The following HPS4 variants were observed in gnomAD, a reference collection of about 807,000 sequenced individuals.
HPS4 encodes BLOC-3 complex member HPS4.
Under a neutral mutation model 70.3 loss-of-function variants are expected in HPS4, and 44 were observed. The observed-to-expected ratio is 0.63, with a 90% CI of 0.49 to 0.80. HPS4 has a LOEUF of 0.80. Ranked by LOEUF, HPS4 falls within the 30% of genes least tolerant of loss-of-function variation. The pLI is 0.00. For missense variants in HPS4, 873 were observed against 884.4 expected (o/e 0.99, Z 0.16); for synonymous variants, 377 against 355.9 (o/e 1.06, Z -0.67).
Position 26,483,685 on chromosome 22 carries a change from G to C in HPS4, c.-490C>G, listed in dbSNP as rs553609699. On this transcript the variant is annotated 5_prime_UTR_variant, in exon 1 of 14. Coordinates refer to ENST00000398145, the MANE Select transcript of HPS4 (RefSeq NM_022081.6). ...CGCCGCCCACCCACCGGAGTAGCCA[G>C]GCATCCCAGTGCTCGGGGTTCGGGA... 6.4e-5 allele frequency: 25 copies of C among 389,866 alleles called. No individual in the cohort carries two copies. Among genetic ancestry groups the C allele is most frequent in the African/African-American group, 4.6e-4 (22 of 47,760 alleles). 24.2% of individuals were successfully genotyped at this position (389,866 alleles called of 1,614,324 possible).
chr22:26,464,865 C>A, intron 10 of HPS4, 39 bp from the exon 11 acceptor site: 1 of 1,549,554 alleles, frequency 6.5e-7, no homozygotes, highest in South Asian at 1.2e-5. Flanking sequence ...GGCACGTTGA[C>A]AGACTGCAGG....
chr22:26,469,386 T>A (rs1284085153), intron 7 of HPS4, among the ~76,000 whole-genome samples: 1 of 151,708 alleles, frequency 6.6e-6, no homozygotes, highest in Non-Finnish European at 1.5e-5. Flanking sequence ...AGGTCGAGGC[T>A]GTAGTAAGCT....
chr22:26,461,943 A>G (rs1249329900), intron 11 of HPS4, among the ~76,000 whole-genome samples: 3 of 152,142 alleles, frequency 2.0e-5, no homozygotes, highest in Non-Finnish European at 2.9e-5. Flanking sequence ...CCTGACCAAC[A>G]TGGAGAAACC....
chr22:26,462,971 G>A (rs1174673002), intron 11 of HPS4, among the ~76,000 whole-genome samples: 3 of 152,186 alleles, frequency 2.0e-5, no homozygotes, highest in African/African-American at 4.8e-5. Flanking sequence ...TGTATTTCAA[G>A]GTGACTAGCT....
At chr22:26,456,680 C>T (rs925219550) in intron 13 of HPS4, among the ~76,000 whole-genome samples, 1 of 142,602 alleles carries the variant, frequency 7.0e-6, no homozygotes, top group Non-Finnish European at 1.5e-5. Flanking sequence ...AAAAATAATG[C>T]CCTTGACCAG....
intron 10 of HPS4, among the ~76,000 whole-genome samples, chr22:26,465,059 A>G (rs1259746041): frequency 1.3e-5 from 2 of 152,256 alleles, no homozygotes; most frequent in Admixed American, 6.5e-5. Flanking sequence ...AGCCCACTGA[A>G]TAAGACTGAC....
At chr22:26,459,813 G>A (rs1268936512) in intron 11 of HPS4, among the ~76,000 whole-genome samples, 1 of 152,196 alleles carries the variant, frequency 6.6e-6, no homozygotes, top group African/African-American at 2.4e-5. Context: ...AAACTCTAAA[G>A]TGCTATCCTG....
intron 3 of HPS4, among the ~76,000 whole-genome samples, 168 bp from the exon 4 acceptor site, chr22:26,477,304 G>A (rs2090683295): frequency 6.6e-6 from 1 of 152,172 alleles, no homozygotes; most frequent in Non-Finnish European, 1.5e-5. Context: ...CAACAAAGAA[G>A]AACATGTGAT....
intron 1 of HPS4, 26 bp downstream of exon 1, chr22:26,483,648 C>G: frequency 5.6e-6 from 2 of 358,646 alleles, no homozygotes; most frequent in Admixed American, 4.9e-5. Flanking sequence ...CTCGGTATCC[C>G]CGCGCTCCGA....
rs1208471107 is a variant in HPS4, at chr22:26,464,086, C to A, written c.1544G>T (p.Cys515Phe). The part of the protein sequence containing the change: ...GLECSSGSAN[C>F]QGAGPSADGI... Reference sequence around the variant, plus strand: ...ATCTGCAGAGGGGCCAGCACCCTGACAGTTTGCTGAGCCTGAACTGCATTC... The same window carrying A: ...ATCTGCAGAGGGGCCAGCACCCTGAAAGTTTGCTGAGCCTGAACTGCATTC... The change falls in exon 11 of 14, where the codon TGT becomes TTT. Residue 515 changes from cysteine (C) to phenylalanine (F), a missense_variant. Coordinates refer to ENST00000398145, the MANE Select transcript of HPS4 (RefSeq NM_022081.6). 5.6e-6 allele frequency: 9 copies of A among 1,614,164 alleles called. No individual in the cohort carries two copies. In the East Asian group the frequency reaches 1.1e-4, roughly 20 times the overall value.
rs1183558283 is a variant in HPS4, at chr22:26,451,059, G to C, written c.*2174C>G. Among the ~76,000 whole-genome samples the C allele has an allele frequency of 1.3e-5, 2 of 152,228 alleles. No individual in the cohort carries two copies. The highest frequency in any genetic ancestry group is 1.3e-4 in the Admixed American group (2 of 15,290). On this transcript the variant is annotated 3_prime_UTR_variant, in exon 14 of 14. Transcript: ENST00000398145. ...CTGCCCTGAAGAGTCACTAGAATCT[G>C]TGGTCCTGGATCACTGACAGTGGCA...
chr22:26,479,466 G>C lies in HPS4; in HGVS notation c.42-111C>G. ...GGAGGGCTTATTACTGTGTTTGAAAGCCTTCAGGTGGCCCCAGAGAATAAA... is the reference window on the plus strand; with the variant it reads ...GGAGGGCTTATTACTGTGTTTGAAACCCTTCAGGTGGCCCCAGAGAATAAA... On this transcript the variant is annotated intron_variant, in intron 2 of 13. Coordinates refer to ENST00000398145, the MANE Select transcript of HPS4 (RefSeq NM_022081.6). 4 of 1,511,470 alleles carry C rather than the reference G, an allele frequency of 2.6e-6. No individual in the cohort carries two copies. In the South Asian group the frequency reaches 5.1e-5, roughly 19 times the overall value. 93.6% of individuals were successfully genotyped at this position (1,511,470 alleles called of 1,614,324 possible).
intron 2 of HPS4, 91 bp from the exon 3 acceptor site, chr22:26,479,446 G>A (rs1425774928): frequency 1.9e-6 from 3 of 1,549,866 alleles, no homozygotes; most frequent in African/African-American, 1.4e-5. Flanking sequence ...CCCGAGGAGG[G>A]CTTATTACTG....
At chr22:26,467,051 C>A (rs2088783445) in intron 8 of HPS4, 1 of 151,906 alleles carries the variant, frequency 6.6e-6, no homozygotes, top group Non-Finnish European at 1.5e-5. Context: ...GGTATTTTTT[C>A]CTTAAGCCTA....
chr22:26,463,441 C>T (rs16982136), intron 11 of HPS4, among the ~76,000 whole-genome samples: 2,189 of 152,312 alleles, frequency 0.014, 54 homozygotes, highest in African/African-American at 0.05. Context: ...TGAGCAGGGG[C>T]GGCACAACAC....
chr22:26,480,571 T>C (rs1054125952), intron 2 of HPS4, among the ~76,000 whole-genome samples: 1 of 152,168 alleles, frequency 6.6e-6, no homozygotes, highest in African/African-American at 2.4e-5. Context: ...CCTGGATCTA[T>C]GCCCTCTCTG....
At chr22:26,475,701 T>C (rs1431826946) in intron 4 of HPS4, 1 of 151,306 alleles carries the variant, frequency 6.6e-6, no homozygotes, top group Non-Finnish European at 1.5e-5. Context: ...AGAGTATCTG[T>C]GTGGAGAGTA....
At position 26,464,198 on chromosome 22, in the gene HPS4, G is replaced by C; in HGVS notation, c.1432C>G (p.Gln478Glu). Residue 478 changes from glutamine (Q) to glutamate (E), a missense_variant, in exon 11 of 14, where the codon CAG becomes GAG. Physicochemically the swap from Gln to Glu is conservative, Grantham distance 29. Transcript: ENST00000398145. The stretch of plus-strand genomic sequence containing the variant: ...CCCGTGGGAAGCTTGTTTCCTCTCT[G>C]TCCTGGATCTAAGCGAGGCAATAAC... The part of the protein sequence containing the change: ...PLLLPRLDPG[Q>E]RGNKLPTGEQ... The C allele has an allele frequency of 6.2e-7, 1 of 1,614,216 alleles. No homozygotes were observed. Among genetic ancestry groups the C allele is most frequent in the Non-Finnish European group, 8.5e-7 (1 of 1,180,048 alleles).
At chr22:26,472,443 A>G in intron 5 of HPS4, 25 bp from the exon 6 acceptor site, 1 of 1,379,066 alleles carries the variant, frequency 7.3e-7, no homozygotes, top group Non-Finnish European at 1.0e-6. Flanking sequence ...GCCTCAGGTC[A>G]ATATCTGAGA....
Sources: gnomAD v4.1 joint callset for allele counts (sites outside exome capture counted in the v4.1 genomes callset) on GRCh38, gnomAD v4.1.1 for gene constraint, MANE v1.5 for transcripts, NCBI Gene and HGNC (gene_info 2026-07-23, HGNC 2026-07-21) for gene names.